The following ADK variants were observed in gnomAD, a reference collection of about 807,000 sequenced individuals.
ADK encodes N6,N6-dimethyladenosine kinase.
Under a neutral mutation model 44.7 loss-of-function variants are expected in ADK, and 24 were observed. The observed-to-expected ratio is 0.54, with a 90% CI of 0.39 to 0.76. The LOEUF (loss-of-function observed/expected upper bound fraction) is 0.76, where lower values mean the gene tolerates loss of function less well. ADK is among the 30% of genes least tolerant of loss of function. The pLI is 0.00. For synonymous variants in ADK, 128 were observed against 142.6 expected, an observed-to-expected ratio of 0.90 and a Z score of 0.73; for missense variants, 321 against 425.1, an observed-to-expected ratio of 0.76 and a Z score of 2.15.
At chr10:74,221,773 G>C (rs1323345315) in intron 2 of ADK, among the ~76,000 whole-genome samples, 2 of 144,368 alleles carry the variant, frequency 1.4e-5, no homozygotes, top group African/African-American at 5.4e-5. Context: ...AATGGGGAAA[G>C]GATTCCCTGT....
chr10:74,281,207 T>C (rs1339108849), intron 3 of ADK, among the ~76,000 whole-genome samples: 1 of 152,274 alleles, frequency 6.6e-6, no homozygotes, highest in Non-Finnish European at 1.5e-5. Context: ...CTTTTGATAA[T>C]GTTGATCTGA....
At chr10:74,195,619 G>A (rs777408259) in intron 1 of ADK, among the ~76,000 whole-genome samples, 12 of 151,312 alleles carry the variant, frequency 7.9e-5, no homozygotes, top group Admixed American at 3.3e-4. Context: ...TGGTAGCTGG[G>A]ATTATGGGTG....
At chr10:74,440,715 T>A (rs529621568) in intron 6 of ADK, among the ~76,000 whole-genome samples, 1 of 152,282 alleles carries the variant, frequency 6.6e-6, no homozygotes, top group East Asian at 1.9e-4. Flanking sequence ...TTTGGAGTTT[T>A]CAAATGGCCC....
intron 3 of ADK, among the ~76,000 whole-genome samples, chr10:74,291,514 A>G (rs1301233134): frequency 6.6e-6 from 1 of 152,198 alleles, no homozygotes; most frequent in Non-Finnish European, 1.5e-5. Context: ...ATAGATTGTT[A>G]TGAGTTATAG....
At chr10:74,323,884 T>C (rs1415206754) in intron 4 of ADK, among the ~76,000 whole-genome samples, 1 of 151,978 alleles carries the variant, frequency 6.6e-6, no homozygotes, top group East Asian at 1.9e-4. Context: ...AATATTTTCA[T>C]TATCAAATGA....
Position 74,197,711 on chromosome 10 carries a change from G to GAA in ADK, c.66-3043_66-3042dup, listed in dbSNP as rs368410323. Among the ~76,000 whole-genome samples the GAA allele has an allele frequency of 3.3e-3, 465 of 140,146 alleles. 1 individual carries two copies. The highest frequency in any genetic ancestry group is 0.01 in the African/African-American group (373 of 36,920). The allele number at this position is 140,146 out of a possible 152,430, so 91.9% of individuals were successfully genotyped here. A position where few individuals can be genotyped will look rare whatever the true frequency, so the allele number is the denominator to read the frequency against. ...AGACTCCGTCTAAAAAAAAAAAAAA[G>GAA]AAAAAAAAAAAGAACTGAGACTCAG... On this transcript the variant is annotated intron_variant, in intron 1 of 10. Transcript: ENST00000539909.
At chr10:74,404,318 TTAA>T (rs1383752992) in intron 6 of ADK, among the ~76,000 whole-genome samples, 1 of 152,152 alleles carries the variant, frequency 6.6e-6, no homozygotes, top group Non-Finnish European at 1.5e-5. Flanking sequence ...TTTAAAAGAC[TTAA>T]TAAGAAAAAA....
intron 3 of ADK, among the ~76,000 whole-genome samples, chr10:74,230,684 C>CT (rs35111858): frequency 0.013 from 1,798 of 140,708 alleles, 33 homozygotes; most frequent in African/African-American, 0.038. Context: ...CAGCCAGTAA[C>CT]TTTTTTTTTT....
chr10:74,391,255 T>G (rs1843318530), intron 4 of ADK, among the ~76,000 whole-genome samples: 1 of 152,172 alleles, frequency 6.6e-6, no homozygotes, highest in African/African-American at 2.4e-5. Context: ...TTTTTCATTC[T>G]TGTTATACTC....
intron 7 of ADK, among the ~76,000 whole-genome samples, chr10:74,535,077 G>A (rs1343032903): frequency 6.6e-6 from 1 of 152,172 alleles, no homozygotes; most frequent in African/African-American, 2.4e-5. Context: ...GGCATGAAAA[G>A]TATAAAAGAT....
At chr10:74,394,984 G>A (rs2132831226) in intron 5 of ADK, among the ~76,000 whole-genome samples, 1 of 152,220 alleles carries the variant, frequency 6.6e-6, no homozygotes, top group South Asian at 2.1e-4. Context: ...TACCCACATG[G>A]AGATACTCCT....
chr10:74,685,386 ACT>A (rs1418573105), intron 10 of ADK, among the ~76,000 whole-genome samples: 1 of 152,144 alleles, frequency 6.6e-6, no homozygotes, highest in African/African-American at 2.4e-5. Context: ...AGGGTAACAG[ACT>A]CTGTCAGAAA....
chr10:74,455,038 C>T (rs1414725670), intron 6 of ADK, among the ~76,000 whole-genome samples: 4 of 152,110 alleles, frequency 2.6e-5, no homozygotes, highest in African/African-American at 9.7e-5. Flanking sequence ...ATTCCTTCAC[C>T]TTAAAATTTT....
At chr10:74,369,134 A>T (rs1277156512) in intron 4 of ADK, among the ~76,000 whole-genome samples, 2 of 152,242 alleles carry the variant, frequency 1.3e-5, no homozygotes, top group East Asian at 3.9e-4. Flanking sequence ...AGGCAGGTGG[A>T]TCGCTCGAGT....
chr10:74,521,137 A>G (rs985437362), intron 6 of ADK, among the ~76,000 whole-genome samples: 2 of 152,194 alleles, frequency 1.3e-5, no homozygotes, highest in Non-Finnish European at 2.9e-5. Flanking sequence ...CTAGCAAGAA[A>G]AATTATGGAT....
intron 4 of ADK, among the ~76,000 whole-genome samples, chr10:74,351,828 G>A (rs1169891437): frequency 6.6e-6 from 1 of 151,934 alleles, no homozygotes; most frequent in Non-Finnish European, 1.5e-5. Flanking sequence ...TGCTACAAGA[G>A]AATAAAATAC....
At chr10:74,494,521 C>A (rs1043550438) in intron 6 of ADK, among the ~76,000 whole-genome samples, 9 of 152,040 alleles carry the variant, frequency 5.9e-5, no homozygotes, top group Admixed American at 5.2e-4. Context: ...TTTCTTTATA[C>A]CTGTGGTGAC....
chr10:74,489,738 C>A (rs1339079177), intron 6 of ADK, among the ~76,000 whole-genome samples: 1 of 151,540 alleles, frequency 6.6e-6, no homozygotes, highest in Non-Finnish European at 1.5e-5. Flanking sequence ...CTGTACAAAA[C>A]TACTTAATGA....
intron 9 of ADK, 21 bp from the exon 10 acceptor site, chr10:74,670,162 T>C: frequency 6.2e-7 from 1 of 1,605,058 alleles, no homozygotes; most frequent in Non-Finnish European, 8.5e-7. Flanking sequence ...TCATTCTGCC[T>C]TTCTTTGGCT....
Sources: gnomAD v4.1 joint callset for allele counts (sites outside exome capture counted in the v4.1 genomes callset) on GRCh38, gnomAD v4.1.1 for gene constraint, MANE v1.5 for transcripts, NCBI Gene and HGNC (gene_info 2026-07-23, HGNC 2026-07-21) for gene names.